The following DYNLT2B variants were observed in gnomAD, a reference collection of about 807,000 sequenced individuals.
DYNLT2B encodes the protein dynein light chain Tctex-type 2B.
In DYNLT2B, 14 loss-of-function variants were observed where a neutral mutation model predicts 19.5. The observed-to-expected ratio is 0.72, with a 90% confidence interval of 0.47 to 1.12. The LOEUF is 1.12. DYNLT2B is among the 50% of genes most tolerant of loss of function. DYNLT2B has a pLI of 0.00. For missense variants in DYNLT2B, 133 were observed against 174.7 expected (o/e 0.76, Z 1.35); for synonymous variants, 70 against 59.7 (o/e 1.17, Z -0.79).
At chr3:196,303,466 G>C (rs992803042) in intron 3 of DYNLT2B, among the ~76,000 whole-genome samples, 2 of 152,146 alleles carry the variant, frequency 1.3e-5, no homozygotes, top group Non-Finnish European at 2.9e-5. Flanking sequence ...AGCTCAGGCA[G>C]GGAGGCAAAG....
intron 3 of DYNLT2B, among the ~76,000 whole-genome samples, chr3:196,299,101 T>C (rs1726288377): frequency 6.6e-6 from 1 of 151,110 alleles, no homozygotes; most frequent in South Asian, 2.1e-4. Context: ...TTTTTTTTTT[T>C]TGAGATGGAG....
intron 4 of DYNLT2B, 69 bp from the exon 5 acceptor site, chr3:196,291,443 A>G: frequency 6.7e-7 from 1 of 1,490,930 alleles, no homozygotes; most frequent in Non-Finnish European, 9.1e-7. Flanking sequence ...AGAGCAGCAC[A>G]GGCAACTGAA....
At chr3:196,299,874 T>C (rs1726309172) in intron 3 of DYNLT2B, among the ~76,000 whole-genome samples, 1 of 152,132 alleles carries the variant, frequency 6.6e-6, no homozygotes, top group South Asian at 2.1e-4. Context: ...GAGCTTGCAG[T>C]GAGCCGAGAT....
At chr3:196,317,021 AGTGTGTGTGT>A (rs113141859) in intron 1 of DYNLT2B, among the ~76,000 whole-genome samples, 1 of 45,906 alleles carries the variant, frequency 2.2e-5, no homozygotes, top group Non-Finnish European at 4.0e-5. Flanking sequence ...CATTTTTTTC[AGTGTGTGTGT>A]GTGTGTGTGT....
chr3:196,295,730 T>C (rs530913257), intron 4 of DYNLT2B, among the ~76,000 whole-genome samples: 113 of 152,362 alleles, frequency 7.4e-4, no homozygotes, highest in African/African-American at 2.6e-3. Context: ...CTAAAAATAA[T>C]GTTTAAATAA....
rs1410011795 is a variant in DYNLT2B, at chr3:196,316,050, C to T, written c.247+48G>A. On this transcript the variant is annotated intron_variant, in intron 2 of 4. Coordinates refer to ENST00000325318, the MANE Select transcript of DYNLT2B (RefSeq NM_152773.5). ...ATGGAGAGGGGGCAAATGGGTAATA[C>T]TGACTCTGTGAAGAGAATGAGTCAT... The T allele has an allele frequency of 3.1e-6, 5 of 1,592,556 alleles. No homozygotes were observed. The South Asian group carries it at 4.6e-5, about 15-fold the overall frequency.
In DYNLT2B at chr3:196,297,009, C is replaced by T. The variant is rs192609934; in HGVS notation, c.318-940G>A. 6.6e-5 allele frequency among the ~76,000 whole-genome samples: 10 copies of T among 151,112 alleles called. No individual in the cohort carries two copies. In the East Asian group the frequency reaches 1.2e-3, roughly 18 times the overall value. The stretch of plus-strand genomic sequence containing the variant: ...GGGATCGAGACCATCCTGGCTAACA[C>T]GGTGAAACCCCATCTCTACTAAAAA... On this transcript the variant is annotated intron_variant, in intron 3 of 4. Transcript: ENST00000325318.
intron 4 of DYNLT2B, among the ~76,000 whole-genome samples, chr3:196,292,169 C>T (rs1726109926): frequency 6.6e-6 from 1 of 152,208 alleles, no homozygotes; most frequent in Non-Finnish European, 1.5e-5. Flanking sequence ...ATAAAATTTA[C>T]TTGTCCATCT....
At chr3:196,298,553 A>G (rs1205330078) in intron 3 of DYNLT2B, among the ~76,000 whole-genome samples, 4 of 152,260 alleles carry the variant, frequency 2.6e-5, no homozygotes, top group Non-Finnish European at 4.4e-5. Flanking sequence ...AGCTCAAGCA[A>G]TCGGCCCACC....
At chr3:196,312,471 G>T (rs1008708384) in intron 2 of DYNLT2B, among the ~76,000 whole-genome samples, 4 of 152,006 alleles carry the variant, frequency 2.6e-5, no homozygotes, top group Admixed American at 2.0e-4. Context: ...GGGGGTGGAG[G>T]GGCGGGGGAT....
intron 2 of DYNLT2B, among the ~76,000 whole-genome samples, chr3:196,309,230 G>A (rs921385787): frequency 6.6e-6 from 1 of 151,948 alleles, no homozygotes; most frequent in Non-Finnish European, 1.5e-5. Context: ...AGCCTAGGCA[G>A]CATGACAAGA....
At chr3:196,293,932 C>A (rs934362934) in intron 4 of DYNLT2B, among the ~76,000 whole-genome samples, 1 of 151,396 alleles carries the variant, frequency 6.6e-6, no homozygotes, top group Admixed American at 6.6e-5. Context: ...CATGAGCCAC[C>A]GTGCCTGGCA....
At chr3:196,317,740 T>C (rs1170981023) in intron 1 of DYNLT2B, among the ~76,000 whole-genome samples, 1 of 152,106 alleles carries the variant, frequency 6.6e-6, no homozygotes, top group African/African-American at 2.4e-5. Flanking sequence ...ATTCTACCCA[T>C]CTCCTTACTC....
At chr3:196,302,894 TA>T (rs1726391130) in intron 3 of DYNLT2B, among the ~76,000 whole-genome samples, 1 of 151,862 alleles carries the variant, frequency 6.6e-6, no homozygotes, top group South Asian at 2.1e-4. Context: ...ATTTATAGTT[TA>T]AAACAAAGAC....
intron 4 of DYNLT2B, among the ~76,000 whole-genome samples, chr3:196,293,681 T>C (rs1217014740): frequency 3.2e-4 from 45 of 140,270 alleles, no homozygotes; most frequent in African/African-American, 1.2e-3. Flanking sequence ...AGTCTCGCTC[T>C]GTCTCCAGGC....
At chr3:196,304,900 G>A (rs1214976866) in intron 3 of DYNLT2B, among the ~76,000 whole-genome samples, 1 of 152,088 alleles carries the variant, frequency 6.6e-6, no homozygotes, top group Non-Finnish European at 1.5e-5. Flanking sequence ...CTACCTATCT[G>A]AGGCAGGGTC....
At chr3:196,314,725 G>A (rs1406871162) in intron 2 of DYNLT2B, among the ~76,000 whole-genome samples, 1 of 151,890 alleles carries the variant, frequency 6.6e-6, no homozygotes, top group East Asian at 1.9e-4. Flanking sequence ...GGGAGGCTGA[G>A]ATGGGAGGAT....
rs543422040 is a variant in DYNLT2B, at chr3:196,296,391, A to G, written c.318-322T>C. The G allele has an allele frequency of 1.7e-4, 34 of 199,372 alleles. No homozygotes were observed. In the Middle Eastern group the frequency reaches 5.2e-3, roughly 31 times the overall value. The allele number at this position is 199,372 out of a possible 1,614,324, so 12.4% of individuals were successfully genotyped here. On this transcript the variant is annotated intron_variant, in intron 3 of 4. Coordinates refer to ENST00000325318, the MANE Select transcript of DYNLT2B (RefSeq NM_152773.5). ...TAATGAGCTCAGCTCCTGCACAATAACAGGACGAGGAAGGCACAGAAAGAG... is the reference window on the plus strand; with the variant it reads ...TAATGAGCTCAGCTCCTGCACAATAGCAGGACGAGGAAGGCACAGAAAGAG...
intron 2 of DYNLT2B, among the ~76,000 whole-genome samples, chr3:196,308,535 A>T (rs1726551944): frequency 6.6e-6 from 1 of 152,224 alleles, no homozygotes; most frequent in Non-Finnish European, 1.5e-5. Context: ...AAAAAAATGG[A>T]ATGGGCATTT....
Sources: gnomAD v4.1 joint callset for allele counts (sites outside exome capture counted in the v4.1 genomes callset) on GRCh38, gnomAD v4.1.1 for gene constraint, MANE v1.5 for transcripts, NCBI Gene and HGNC (gene_info 2026-07-23, HGNC 2026-07-21) for gene names.